OTOG: variants seen among roughly 807,000 people sequenced by gnomAD.
The protein encoded by OTOG is otogelin.
A neutral mutation model predicts 313.8 loss-of-function variants in OTOG; 296 were observed. The ratio of observed to expected loss-of-function variants is 0.94; its 90% CI spans 0.86 to 1.04. The LOEUF (loss-of-function observed/expected upper bound fraction) is 1.04. OTOG is among the 50% of genes least tolerant of loss of function. The pLI, the probability that OTOG is intolerant of heterozygous loss-of-function variation, is 0.00. For synonymous variants in OTOG, 1,533 were observed against 1,554.9 expected (o/e 0.99, Z 0.33); for missense variants, 3,948 against 3,840.1 (o/e 1.03, Z -0.74).
At chr11:17,558,439 C>T in intron 9 of OTOG, 99 bp from the exon 10 acceptor site, 1 of 1,516,626 alleles carries the variant, frequency 6.6e-7, no homozygotes, top group Non-Finnish European at 8.9e-7. Flanking sequence ...CTCTTCTCTG[C>T]CTTCCTCTCC....
At chr11:17,572,885 CG>C (rs894152246) in intron 18 of OTOG, among the ~76,000 whole-genome samples, 192 bp from the exon 19 acceptor site, 40 of 152,306 alleles carry the variant, frequency 2.6e-4, no homozygotes, top group African/African-American at 9.4e-4. Flanking sequence ...TGTCAAGCCA[CG>C]TATTCACACC....
Position 17,645,808 on chromosome 11 carries a change from C to T in OTOG, c.8606C>T (p.Thr2869Ile), listed in dbSNP as rs776195183. 7.1e-6 allele frequency: 11 copies of T among 1,550,970 alleles called. No individual in the cohort carries two copies. Among genetic ancestry groups the T allele is most frequent in the Non-Finnish European group, 9.6e-6 (11 of 1,147,102 alleles). The part of the protein sequence containing the change: ...SASIYNYNIN[T>I]YARFCKCCRE... ...AGCATCTACAACTACAACATCAACA[C>T]CTATGCCCGATTCTGCAAGTGCTGC... is the stretch of plus-strand genomic sequence containing the variant. The change falls in exon 56 of 56, where the codon ACC becomes ATC. Residue 2869 changes from threonine to isoleucine, a missense_variant. Coordinates refer to ENST00000399397, the MANE Select transcript of OTOG (RefSeq NM_001292063.2).
chr11:17,593,894 T>G (rs1483727443), intron 27 of OTOG, 138 bp downstream of exon 27: 3 of 1,390,688 alleles, frequency 2.2e-6, no homozygotes, highest in Admixed American at 4.3e-5. Flanking sequence ...TCTGGGCCCC[T>G]TCTCCTCTGA....
At position 17,593,605 on chromosome 11, in the gene OTOG, T is replaced by G; in HGVS notation, c.3142-5T>G. 6.5e-7 allele frequency: 1 copy of G among 1,548,744 alleles called. No individual in the cohort carries two copies. Among genetic ancestry groups the G allele is most frequent in the Non-Finnish European group, 8.7e-7 (1 of 1,146,934 alleles). ...GCTCAGGACTGACCATCTCTGTCCC[T>G]CTAGAGTCCAGAGAGCTTCCTGGAT... is the stretch of plus-strand genomic sequence containing the variant. On this transcript the variant is annotated splice_polypyrimidine_tract_variant and splice_region_variant and intron_variant, in intron 26 of 55. Coordinates refer to ENST00000399397, the MANE Select transcript of OTOG (RefSeq NM_001292063.2).
At chr11:17,642,068 G>A in intron 52 of OTOG, 59 bp from the exon 53 acceptor site, 1 of 1,517,982 alleles carries the variant, frequency 6.6e-7, no homozygotes, top group Non-Finnish European at 8.9e-7. Flanking sequence ...AGACCCTATG[G>A]GTTTGCGCAG....
chr11:17,599,649 G>T (rs1362704058), intron 30 of OTOG, 22 bp from the exon 31 acceptor site: 3 of 1,550,500 alleles, frequency 1.9e-6, no homozygotes, highest in Admixed American at 3.9e-5. Context: ...CTCTCAGGAA[G>T]TTCCTGTTCT....
intron 34 of OTOG, 141 bp from the exon 35 acceptor site, chr11:17,608,989 C>T (rs907810336): frequency 3.5e-5 from 23 of 664,778 alleles, no homozygotes; most frequent in Non-Finnish European, 5.6e-5. Context: ...TATGGAGGGT[C>T]ATGTGTGTGT....
rs1852359327 is a variant in OTOG, at chr11:17,569,386, A to C, written c.1777+98A>C. On this transcript the variant is annotated intron_variant, in intron 16 of 55. Coordinates refer to ENST00000399397, the MANE Select transcript of OTOG (RefSeq NM_001292063.2). ...CTAAAAGCACTGCTACCCTGGCAAAAACTCATATTCTAGTACTGGGTAGAT... is the reference window on the plus strand; with the variant it reads ...CTAAAAGCACTGCTACCCTGGCAAACACTCATATTCTAGTACTGGGTAGAT... The C allele has an allele frequency of 4.0e-6, 6 of 1,481,976 alleles. No homozygotes were observed. The South Asian group carries it at 7.6e-5, about 19-fold the overall frequency. 91.8% of individuals were successfully genotyped at this position (1,481,976 alleles called of 1,614,324 possible).
Position 17,645,832 on chromosome 11 carries a change from G to C in OTOG, c.8630G>C (p.Cys2877Ser). 6.4e-7 allele frequency: 1 copy of C among 1,551,032 alleles called. No individual in the cohort carries two copies. Among genetic ancestry groups the C allele is most frequent in the Non-Finnish European group, 8.7e-7 (1 of 1,147,094 alleles). The change falls in exon 56 of 56, where the codon TGC (cysteine) becomes TCC (serine). Residue 2877 changes from cysteine (C) to serine (S), a missense_variant. Transcript: ENST00000399397. ...INTYARFCKCCREVGLQRRSV... is the reference protein window; with the variant it reads ...INTYARFCKCSREVGLQRRSV... ...ACCTATGCCCGATTCTGCAAGTGCT[G>C]CCGTGAGGTGGGCCTGCAGCGGCGC...
At chr11:17,561,588 C>T (rs1852184196) in intron 14 of OTOG, 74 bp from the exon 15 acceptor site, 8 of 1,486,170 alleles carry the variant, frequency 5.4e-6, no homozygotes, top group Non-Finnish European at 6.4e-6. Flanking sequence ...GTGTCCTCCT[C>T]ATACTTGGAG....
chr11:17,624,527 C>G (rs4757554), intron 39 of OTOG, among the ~76,000 whole-genome samples: 6,859 of 152,202 alleles, frequency 0.045, 498 homozygotes, highest in African/African-American at 0.16. Context: ...TGTTCTTGTA[C>G]CAGTACTATG....
intron 39 of OTOG, among the ~76,000 whole-genome samples, chr11:17,615,401 TG>T (rs1359095102): frequency 1.3e-5 from 2 of 152,222 alleles, no homozygotes; most frequent in African/African-American, 2.4e-5. Context: ...ATGATACTGG[TG>T]TTGTACTTGA....
rs566541161 is a variant in OTOG at position 17,643,219 on chromosome 11, A to G, written c.8416-242A>G. Among the ~76,000 whole-genome samples the G allele has an allele frequency of 1.9e-4, 29 of 152,318 alleles. No individual in the cohort carries two copies. The South Asian group carries it at 2.1e-3, about 11-fold the overall frequency. ...CATGAGGGGAACTGCCCCAGGAAAGATGGGAGGCCCTGTACCATCTTGACC... is the reference window on the plus strand; with the variant it reads ...CATGAGGGGAACTGCCCCAGGAAAGGTGGGAGGCCCTGTACCATCTTGACC... On this transcript the variant is annotated intron_variant, in intron 53 of 55. Coordinates refer to ENST00000399397, the MANE Select transcript of OTOG (RefSeq NM_001292063.2).
intron 24 of OTOG, among the ~76,000 whole-genome samples, chr11:17,589,997 A>T (rs1208194678): frequency 6.6e-6 from 1 of 151,688 alleles, no homozygotes; most frequent in Non-Finnish European, 1.5e-5. Context: ...CGCTTCCTTC[A>T]TTGGTTCTTC....
At chr11:17,598,936 C>G (rs1310695203) in intron 30 of OTOG, among the ~76,000 whole-genome samples, 2 of 152,172 alleles carry the variant, frequency 1.3e-5, no homozygotes, top group South Asian at 4.1e-4. Flanking sequence ...TGCAGTGAGT[C>G]GGTGGCTCTC....
rs1218096535 is a variant in OTOG, at chr11:17,645,887, C to T, written c.8685C>T (p.Ala2895=). 1.3e-6 allele frequency: 2 copies of T among 1,550,514 alleles called. No individual in the cohort carries two copies. Among genetic ancestry groups the T allele is most frequent in the African/African-American group, 1.4e-5 (1 of 73,078 alleles). The change falls in exon 56 of 56, where the codon GCC becomes GCT. Residue 2895 remains alanine, a synonymous_variant. Transcript: ENST00000399397. ...RSVQLFCATN[A]TWVPYTVQEP... ...TGCAGCTCTTCTGTGCCACCAATGC[C>T]ACCTGGGTGCCCTATACAGTGCAGG...
intron 23 of OTOG, among the ~76,000 whole-genome samples, chr11:17,582,976 T>A (rs189712770): frequency 1.3e-5 from 2 of 152,050 alleles, no homozygotes; most frequent in Non-Finnish European, 2.9e-5. Flanking sequence ...ATTTTGATAA[T>A]GTCTAATTTT....
intron 24 of OTOG, among the ~76,000 whole-genome samples, chr11:17,591,136 C>A (rs1242964401): frequency 6.6e-6 from 1 of 152,096 alleles, no homozygotes; most frequent in Non-Finnish European, 1.5e-5. Flanking sequence ...TGGTAGGCAC[C>A]TAATATTTGT....
rs1192220896 is a variant in OTOG at position 17,606,183 on chromosome 11, C to T, written c.4156+48C>T. 6 of 1,483,502 alleles carry T rather than the reference C, an allele frequency of 4.0e-6. No individual in the cohort carries two copies. In the East Asian group the frequency reaches 1.5e-4, roughly 37 times the overall value. 91.9% of individuals were successfully genotyped at this position (1,483,502 alleles called of 1,614,324 possible). A position where few individuals can be genotyped will look rare whatever the true frequency, so the allele number is the denominator to read the frequency against. On this transcript the variant is annotated intron_variant, in intron 33 of 55. Transcript: ENST00000399397. ...CCTCGGCCCTTTGGCCCTCTCAGTC[C>T]ACTGCTCTTCCCACCCTGTCCCCAC...
Sources: gnomAD v4.1 joint callset for allele counts (sites outside exome capture counted in the v4.1 genomes callset) on GRCh38, gnomAD v4.1.1 for gene constraint, MANE v1.5 for transcripts, NCBI Gene and HGNC (gene_info 2026-07-23, HGNC 2026-07-21) for gene names.